SHCBP1L: variants seen among roughly 807,000 people sequenced by gnomAD.
SHCBP1L encodes testicular spindle-associated protein SHCBP1L.
SHCBP1L carries 67 observed loss-of-function variants against 62.5 expected under a neutral mutation model. The observed-to-expected ratio is 1.07, with a 90% CI of 0.88 to 1.31. The LOEUF (loss-of-function observed/expected upper bound fraction) is 1.31, where lower values mean the gene tolerates loss of function less well. Ranked by LOEUF, SHCBP1L falls within the 40% of genes most tolerant of loss-of-function variation. SHCBP1L has a pLI of 0.00. For synonymous variants in SHCBP1L, 284 were observed against 289.4 expected (o/e 0.98, Z 0.19); for missense variants, 823 against 809.8 (o/e 1.02, Z -0.20).
chr1:182,937,462 T>C (rs879753784), intron 5 of SHCBP1L, among the ~76,000 whole-genome samples: 4 of 152,228 alleles, frequency 2.6e-5, no homozygotes, highest in Non-Finnish European at 5.9e-5. Flanking sequence ...ATTTGTCGTT[T>C]CATGCAGTTT....
intron 6 of SHCBP1L, among the ~76,000 whole-genome samples, chr1:182,921,411 G>C (rs1650523709): frequency 6.6e-6 from 1 of 152,168 alleles, no homozygotes; most frequent in Admixed American, 6.5e-5. Context: ...TAAGGACATA[G>C]ACCATTCACA....
rs770086834 is a variant in SHCBP1L at position 182,953,077 on chromosome 1, C to G, written c.57G>C (p.Pro19=). 1.9e-6 allele frequency: 3 copies of G among 1,557,242 alleles called. No individual in the cohort carries two copies. Among genetic ancestry groups the G allele is most frequent in the Non-Finnish European group, 2.6e-6 (3 of 1,158,238 alleles). Residue 19 remains proline (P), a synonymous_variant, in exon 1 of 10, where the codon CCG becomes CCC. Transcript: ENST00000367547. The part of the protein sequence containing the change: ...VPADSFRTIS[P]DRRGEKSASA... ...AGGCGGACTTCTCGCCTCGCCTGTC[C>G]GGGCTGATGGTGCGGAATGAGTCCG...
chr1:182,903,559 C>T (rs1268304198), intron 8 of SHCBP1L, among the ~76,000 whole-genome samples: 1 of 152,138 alleles, frequency 6.6e-6, no homozygotes, highest in Non-Finnish European at 1.5e-5. Flanking sequence ...AAAAGATGCT[C>T]TTATTTTTCT....
chr1:182,952,909 C>T lies in SHCBP1L; in HGVS notation c.225G>A (p.Ala75=). The change falls in exon 1 of 10, where the codon GCG becomes GCA. Residue 75 remains alanine, a synonymous_variant. Transcript: ENST00000367547. The part of the protein sequence containing the change: ...TARLRLQRLP[A]AQAEDTGEAA... ...CCTCTCCCGTGTCCTCGGCCTGAGC[C>T]GCGGGCAGGCGCTGGAGCCGCAGCC... 2 of 1,571,384 alleles carry T rather than the reference C, an allele frequency of 1.3e-6. No homozygotes were observed. Among genetic ancestry groups the T allele is most frequent in the Non-Finnish European group, 1.7e-6 (2 of 1,159,396 alleles).
chr1:182,927,740 A>G (rs1283057374), intron 6 of SHCBP1L, among the ~76,000 whole-genome samples: 1 of 152,090 alleles, frequency 6.6e-6, no homozygotes, highest in Non-Finnish European at 1.5e-5. Flanking sequence ...ATGAACCTCA[A>G]AAGTAAATCT....
rs1475096977 is a variant in SHCBP1L, at chr1:182,905,647, T to C, written c.1185A>G (p.Ile395Met). 1.9e-6 allele frequency: 3 copies of C among 1,608,622 alleles called. No individual in the cohort carries two copies. Among genetic ancestry groups the C allele is most frequent in the Non-Finnish European group, 2.5e-6 (3 of 1,178,802 alleles). Residue 395 changes from isoleucine (I) to methionine (M), a missense_variant and splice_region_variant, in exon 7 of 10, where the codon ATA becomes ATG. Transcript: ENST00000367547. ...GAAGTGTGTCTGAAGATAAATCCTT[T>C]ATCTAAAAAGAAATAAAACACTTGC... ...IVAKMMTTEM[I>M]KDLSSDTLLQ...
intron 6 of SHCBP1L, among the ~76,000 whole-genome samples, chr1:182,926,438 C>T (rs1481889646): frequency 6.6e-6 from 1 of 152,080 alleles, no homozygotes; most frequent in East Asian, 1.9e-4. Flanking sequence ...ATAATAATAT[C>T]AGTTGACATT....
chr1:182,952,954 T>C lies in SHCBP1L; in HGVS notation c.180A>G (p.Lys60=). ...VVASPRPVKG[K]AGRETARLRL... is the part of the protein sequence containing the mutation. ...GCAGCCTGGCCGTCTCCCGGCCCGCTTTCCCCTTCACCGGGCGAGGGGAGG... is the reference window on the plus strand; with the variant it reads ...GCAGCCTGGCCGTCTCCCGGCCCGCCTTCCCCTTCACCGGGCGAGGGGAGG... Residue 60 remains lysine (K), a synonymous_variant, in exon 1 of 10, where the codon AAA becomes AAG. Coordinates refer to ENST00000367547, the MANE Select transcript of SHCBP1L (RefSeq NM_030933.4). 1 of 1,548,434 alleles carries C rather than the reference T, an allele frequency of 6.5e-7. No individual in the cohort carries two copies. Among genetic ancestry groups the C allele is most frequent in the Non-Finnish European group, 8.7e-7 (1 of 1,149,196 alleles).
chr1:182,939,962 A>C (rs1000410769), intron 3 of SHCBP1L, among the ~76,000 whole-genome samples: 1 of 152,168 alleles, frequency 6.6e-6, no homozygotes, highest in Non-Finnish European at 1.5e-5. Flanking sequence ...TCATAATGTG[A>C]ATGATGATAT....
intron 6 of SHCBP1L, among the ~76,000 whole-genome samples, chr1:182,924,651 G>A (rs538824655): frequency 7.1e-6 from 1 of 140,310 alleles, no homozygotes; most frequent in African/African-American, 2.8e-5. Flanking sequence ...TACAGATGCA[G>A]TGCTATTCCG....
rs762616987 is a variant in SHCBP1L at position 182,953,107 on chromosome 1, C to A, written c.27G>T (p.Val9=). ...TGATGGTGCGGAATGAGTCCGCGGGCACCGAGGCCTTGGAGCCCGACGCCA... is the reference window on the plus strand; with the variant it reads ...TGATGGTGCGGAATGAGTCCGCGGGAACCGAGGCCTTGGAGCCCGACGCCA... MASGSKAS[V]PADSFRTISP... Residue 9 remains valine, a synonymous_variant, in exon 1 of 10, where the codon GTG becomes GTT. Transcript: ENST00000367547. 1.3e-6 allele frequency: 2 copies of A among 1,574,804 alleles called. No homozygotes were observed. Among genetic ancestry groups the A allele is most frequent in the East Asian group, 2.3e-5 (1 of 43,652 alleles).
rs1280114990 is a variant in SHCBP1L, at chr1:182,930,606, C to CAT, written c.1077-856_1077-855dup. ...ATATATATATATATACACATATATA[C>CAT]ATATATATATATTTTTTATTAAAGA... On this transcript the variant is annotated intron_variant, in intron 5 of 9. Coordinates refer to ENST00000367547, the MANE Select transcript of SHCBP1L (RefSeq NM_030933.4). 2.5e-4 allele frequency among the ~76,000 whole-genome samples: 9 copies of CAT among 35,680 alleles called. No individual in the cohort carries two copies. The South Asian group carries it at 5.1e-3, about 20-fold the overall frequency. 23.4% of individuals were successfully genotyped at this position (35,680 alleles called of 152,430 possible).
chr1:182,929,968 T>G (rs547368373), intron 5 of SHCBP1L, among the ~76,000 whole-genome samples: 64 of 152,306 alleles, frequency 4.2e-4, no homozygotes, highest in African/African-American at 1.5e-3. Flanking sequence ...ATATTTTCAT[T>G]TTAATTGATA....
Position 182,939,507 on chromosome 1 carries a change from A to C in SHCBP1L, c.817T>G (p.Cys273Gly). Residue 273 changes from cysteine to glycine, a missense_variant, in exon 4 of 10, where the codon TGT (cysteine) becomes GGT (glycine). By Grantham distance (159) the Cys-to-Gly change is radical (BLOSUM62 -3). Coordinates refer to ENST00000367547, the MANE Select transcript of SHCBP1L (RefSeq NM_030933.4). ...LWRDWDDEES[C>G]ENYTALIEER... The stretch of plus-strand genomic sequence containing the variant: ...TCAATAAGTGCAGTATAATTCTCAC[A>C]ACTTTCTTCATCATCCCAGTCTCTC... The C allele has an allele frequency of 1.2e-6, 2 of 1,609,048 alleles. No homozygotes were observed. Among genetic ancestry groups the C allele is most frequent in the Non-Finnish European group, 1.7e-6 (2 of 1,177,856 alleles).
intron 1 of SHCBP1L, chr1:182,952,515 G>A (rs1339642283): frequency 5.7e-6 from 3 of 522,056 alleles, no homozygotes; most frequent in Admixed American, 4.0e-5. Flanking sequence ...GACGAATTTT[G>A]TCGGAAACTC....
At chr1:182,935,530 G>A (rs570952793) in intron 5 of SHCBP1L, among the ~76,000 whole-genome samples, 39 of 152,086 alleles carry the variant, frequency 2.6e-4, no homozygotes, top group Non-Finnish European at 4.3e-4. Context: ...CTCATTTATC[G>A]GTTTCAGGAG....
At chr1:182,909,114 A>C (rs1334192763) in intron 6 of SHCBP1L, among the ~76,000 whole-genome samples, 1 of 152,182 alleles carries the variant, frequency 6.6e-6, no homozygotes, top group Non-Finnish European at 1.5e-5. Context: ...AGAACTCTGA[A>C]ACCCTCCTCA....
intron 9 of SHCBP1L, among the ~76,000 whole-genome samples, chr1:182,902,043 T>C (rs1054659736): frequency 1.1e-4 from 16 of 151,462 alleles, no homozygotes; most frequent in Non-Finnish European, 1.9e-4. Context: ...TTCTTTTCTT[T>C]TTTCTTTCTT....
chr1:182,907,648 A>C (rs988209491), intron 6 of SHCBP1L, among the ~76,000 whole-genome samples: 2 of 151,662 alleles, frequency 1.3e-5, no homozygotes, highest in African/African-American at 4.8e-5. Context: ...GCAGTGGCAC[A>C]GTCTTGGCTC....
Sources: allele counts gnomAD v4.1 joint callset (sites outside exome capture counted in the v4.1 genomes callset), GRCh38; gene constraint gnomAD v4.1.1; transcripts MANE v1.5; gene names NCBI Gene and HGNC (gene_info 2026-07-23, HGNC 2026-07-21).